The following LARGE1 variants were observed in gnomAD, a reference collection of about 807,000 sequenced individuals.
The protein encoded by LARGE1 is xylosyl- and glucuronyltransferase LARGE1.
A neutral mutation model predicts 87.6 loss-of-function variants in LARGE1; 43 were observed. That is an observed-to-expected ratio of 0.49 (90% CI 0.38 to 0.63). LARGE1 has a LOEUF of 0.63. LARGE1 is among the 30% of genes least tolerant of loss of function. The probability of loss-of-function intolerance (pLI) is 0.00; values close to 1 mark genes in which losing one functional copy is unlikely to be tolerated. For synonymous variants in LARGE1, 434 were observed against 394.6 expected, an observed-to-expected ratio of 1.10 and a Z score of -1.18; for missense variants, 802 against 1,000.2, an observed-to-expected ratio of 0.80 and a Z score of 2.67.
At chr22:33,297,910 G>A (rs1360762387) in intron 12 of LARGE1, among the ~76,000 whole-genome samples, 1 of 148,928 alleles carries the variant, frequency 6.7e-6, no homozygotes, top group Non-Finnish European at 1.5e-5. Context: ...AACCCGGGAG[G>A]CAGAGGTTGC....
In LARGE1 at chr22:33,743,362, G is replaced by A. The variant is rs539733779; in HGVS notation, c.106+18009C>T. Among the ~76,000 whole-genome samples the A allele has an allele frequency of 1.8e-4, 28 of 152,154 alleles. No homozygotes were observed. The East Asian group carries it at 3.9e-3, about 21-fold the overall frequency. ...GTCCTGAACCAGCCATGGATCACTC[G>A]TCCCACACAGCTCTTCCCACCGACC... On this transcript the variant is annotated intron_variant, in intron 2 of 14. Transcript: ENST00000397394.
intron 7 of LARGE1, among the ~76,000 whole-genome samples, chr22:33,428,702 C>T (rs1230227222): frequency 1.4e-5 from 2 of 138,612 alleles, no homozygotes; most frequent in African/African-American, 5.3e-5. Context: ...GCGGGTGGAT[C>T]ATGAGGTCAG....
intron 6 of LARGE1, among the ~76,000 whole-genome samples, chr22:33,466,882 C>CA (rs1278243795): frequency 1.3e-5 from 2 of 151,640 alleles, no homozygotes; most frequent in Admixed American, 6.6e-5. Context: ...CTACTAAAAA[C>CA]AAAAAAAATT....
chr22:33,670,259 A>C (rs931479840), intron 2 of LARGE1, among the ~76,000 whole-genome samples: 1 of 152,060 alleles, frequency 6.6e-6, no homozygotes, highest in African/African-American at 2.4e-5. Flanking sequence ...GTAGAAGAAA[A>C]AAGATAAAAT....
At chr22:33,710,245 T>G (rs1489019816) in intron 2 of LARGE1, among the ~76,000 whole-genome samples, 2 of 151,898 alleles carry the variant, frequency 1.3e-5, no homozygotes, top group African/African-American at 4.8e-5. Flanking sequence ...CAAATTGTAT[T>G]CGGTGTTAAG....
chr22:33,268,430 T>TTTA (rs11429333), downstream of LARGE1, among the ~76,000 whole-genome samples: 5 of 123,634 alleles, frequency 4.0e-5, no homozygotes, highest in African/African-American at 1.9e-4. Context: ...GTTAAAAAAC[T>TTTA]TTTTTTTTTT....
chr22:33,790,719 T>C (rs2085795504), intron 1 of LARGE1, among the ~76,000 whole-genome samples: 2 of 152,190 alleles, frequency 1.3e-5, no homozygotes, highest in Admixed American at 1.3e-4. Context: ...AGTTTAAATG[T>C]ATCCTACCTG....
At chr22:33,161,436 A>C (rs928824595), downstream of LARGE1, among the ~76,000 whole-genome samples, 7 of 152,184 alleles carry the variant, frequency 4.6e-5, no homozygotes, top group East Asian at 1.3e-3. Flanking sequence ...TAAAAGTCCA[A>C]GTCCAAAGTC....
At chr22:33,660,206 C>T (rs910786317) in intron 2 of LARGE1, among the ~76,000 whole-genome samples, 22 of 151,294 alleles carry the variant, frequency 1.5e-4, no homozygotes, top group African/African-American at 4.1e-4. Flanking sequence ...ATAACTGGCC[C>T]GTCATATACT....
At chr22:33,299,433 G>C (rs1240432178) in intron 12 of LARGE1, among the ~76,000 whole-genome samples, 1 of 152,124 alleles carries the variant, frequency 6.6e-6, no homozygotes, top group Non-Finnish European at 1.5e-5. Flanking sequence ...CTGACACATA[G>C]TACATGCTCA....
Position 33,393,278 on chromosome 22 carries a change from T to C in LARGE1, c.893-8974A>G, listed in dbSNP as rs368103873. On this transcript the variant is annotated intron_variant, in intron 7 of 14. Coordinates refer to ENST00000397394, the MANE Select transcript of LARGE1 (RefSeq NM_133642.5). Reference sequence around the variant, plus strand: ...ACTCTGTTTATTGACCTTGCTCCTATGGGGCTGCGGAAATATCCTAATTAA... The same window carrying C: ...ACTCTGTTTATTGACCTTGCTCCTACGGGGCTGCGGAAATATCCTAATTAA... Among the ~76,000 whole-genome samples, 8 of 152,354 alleles carry C rather than the reference T, an allele frequency of 5.3e-5. No individual in the cohort carries two copies. The South Asian group carries it at 1.7e-3, about 32-fold the overall frequency.
intron 5 of LARGE1, among the ~76,000 whole-genome samples, chr22:33,582,536 T>C (rs1392748052): frequency 1.6e-4 from 24 of 152,222 alleles, no homozygotes; most frequent in Admixed American, 1.6e-3. Context: ...ATAAGCAAGA[T>C]TGTCCAGTGA....
At position 33,657,384 on chromosome 22, in the gene LARGE1, C is replaced by T. The variant is rs113449685; in HGVS notation, c.107-6716G>A. On this transcript the variant is annotated intron_variant, in intron 2 of 14. Coordinates refer to ENST00000397394, the MANE Select transcript of LARGE1 (RefSeq NM_133642.5). ...CCCATTTGATTTCAAACATCTCATC[C>T]GAAGCCAAGCCTCTTAATCTTATCC... Among the ~76,000 whole-genome samples the T allele has an allele frequency of 3.9e-3, 601 of 152,224 alleles. 5 individuals carry two copies. The highest frequency in any genetic ancestry group is 0.014 in the African/African-American group (581 of 41,516).
intron 1 of LARGE1, among the ~76,000 whole-genome samples, chr22:33,824,778 A>G (rs1389121301): frequency 6.6e-6 from 1 of 152,260 alleles, no homozygotes; most frequent in East Asian, 1.9e-4. Context: ...AATGAAAATG[A>G]AATGACTTAA....
chr22:33,866,415 T>C (rs1480113872), intron 1 of LARGE1, among the ~76,000 whole-genome samples: 2 of 152,202 alleles, frequency 1.3e-5, no homozygotes, highest in Non-Finnish European at 2.9e-5. Flanking sequence ...ACTCAGTAAC[T>C]ACCCATGTCT....
chr22:33,271,081 A>G (rs1928217709), downstream of LARGE1, among the ~76,000 whole-genome samples: 1 of 152,222 alleles, frequency 6.6e-6, no homozygotes, highest in Non-Finnish European at 1.5e-5. Flanking sequence ...AATTTTCAGG[A>G]AGTCCATGAG....
At chr22:33,089,327 C>CTTCT in the LARGE1 span, among the ~76,000 whole-genome samples, 22 of 49,512 alleles carry the variant, frequency 4.4e-4, no homozygotes, top group Middle Eastern at 0.011. Context: ...CTTCTTTCTT[C>CTTCT]TTCTTCTTCT....
chr22:33,402,305 T>C (rs2065951843), intron 7 of LARGE1, among the ~76,000 whole-genome samples: 1 of 152,136 alleles, frequency 6.6e-6, no homozygotes, highest in South Asian at 2.1e-4. Flanking sequence ...ATTTTATAGA[T>C]GAGGAAACCA....
In LARGE1 at chr22:33,920,147, GC is replaced by G. The variant is rs1195225477; in HGVS notation, c.-236del. Reference sequence around the variant, plus strand: ...GGTGCCAAGCACAGAGTTCGGGACTGCCCCCGGCTCCAAATGCCGCGGCGAG... The same window carrying G: ...GGTGCCAAGCACAGAGTTCGGGACTGCCCCGGCTCCAAATGCCGCGGCGAG... On this transcript the variant is annotated 5_prime_UTR_variant, in exon 1 of 15. The change creates a premature stop within an existing upstream ORF in the 5' untranslated region. Coordinates refer to ENST00000397394, the MANE Select transcript of LARGE1 (RefSeq NM_133642.5). 2.0e-5 allele frequency: 3 copies of G among 152,390 alleles called. No homozygotes were observed. The highest frequency in any genetic ancestry group is 1.3e-4 in the Admixed American group (2 of 15,280). The allele number at this position is 152,390 out of a possible 1,614,324, so 9.4% of individuals were successfully genotyped here.
Sources: allele counts gnomAD v4.1 joint callset (sites outside exome capture counted in the v4.1 genomes callset), GRCh38; gene constraint gnomAD v4.1.1; transcripts MANE v1.5; gene names NCBI Gene and HGNC (gene_info 2026-07-23, HGNC 2026-07-21).